DEFB131B: variants seen among roughly 807,000 people sequenced by gnomAD.
The protein encoded by DEFB131B is defensin beta 131B, also known as beta-defensin 131B.
In DEFB131B, 2 loss-of-function variants were observed where a neutral mutation model predicts 2.1. That is an observed-to-expected ratio of 0.94 (90% CI 0.38 to 2.95). The LOEUF is 2.95. Among genes scored for constraint, DEFB131B ranks in the 30% most tolerant of loss-of-function variants. DEFB131B has a pLI of 0.09. For missense variants in DEFB131B, 77 were observed against 78.5 expected (o/e 0.98, Z 0.07); for synonymous variants, 26 against 25.8 (o/e 1.01, Z -0.03).
intron 1 of DEFB131B, among the ~76,000 whole-genome samples, chr11:71,882,441 G>C (rs924002785): frequency 3.3e-5 from 5 of 152,088 alleles, no homozygotes; most frequent in African/African-American, 1.2e-4. Flanking sequence ...AGTTTGGCCA[G>C]GCTGGTCTTG....
chr11:71,881,604 C>T (rs1415074427), intron 1 of DEFB131B, among the ~76,000 whole-genome samples: 3 of 151,728 alleles, frequency 2.0e-5, no homozygotes, highest in East Asian at 3.9e-4. Flanking sequence ...AGGGCCATAC[C>T]CTGGGAGTCT....
At chr11:71,879,704 C>A (rs1029501204) in intron 1 of DEFB131B, among the ~76,000 whole-genome samples, 4 of 152,006 alleles carry the variant, frequency 2.6e-5, no homozygotes, top group Non-Finnish European at 4.4e-5. Context: ...CACCCCTCAC[C>A]ATTATCTAAT....
At chr11:71,882,735 G>C (rs1419285932) in intron 1 of DEFB131B, among the ~76,000 whole-genome samples, 1 of 152,158 alleles carries the variant, frequency 6.6e-6, no homozygotes, top group African/African-American at 2.4e-5. Flanking sequence ...GATTCTAAAA[G>C]TTCTAGCAAG....
intron 1 of DEFB131B, among the ~76,000 whole-genome samples, chr11:71,880,832 C>T (rs1952556574): frequency 6.6e-6 from 1 of 152,116 alleles, no homozygotes; most frequent in African/African-American, 2.4e-5. Flanking sequence ...CAAAGTTCTT[C>T]CTAGTATTCA....
chr11:71,881,339 C>T (rs551097457), intron 1 of DEFB131B, among the ~76,000 whole-genome samples: 2 of 152,052 alleles, frequency 1.3e-5, no homozygotes, highest in Admixed American at 1.3e-4. Context: ...TGTATTAGGC[C>T]ATTCTTGCAT....
chr11:71,883,969 A>G (rs1156936217), intron 1 of DEFB131B, among the ~76,000 whole-genome samples: 2 of 152,286 alleles, frequency 1.3e-5, no homozygotes, highest in East Asian at 1.9e-4. Context: ...ATCTCTTCAC[A>G]TGGTTTTATC....
chr11:71,884,306 A>G (rs1169947530), intron 1 of DEFB131B, 101 bp from the exon 2 acceptor site: 2 of 1,306,508 alleles, frequency 1.5e-6, no homozygotes, highest in South Asian at 2.3e-5. Flanking sequence ...TTTTTCTGGG[A>G]AAGTTCTGTA....
At chr11:71,881,116 GC>G (rs1431569250) in intron 1 of DEFB131B, among the ~76,000 whole-genome samples, 2 of 152,122 alleles carry the variant, frequency 1.3e-5, no homozygotes, top group Non-Finnish European at 2.9e-5. Flanking sequence ...GGGTATTGAA[GC>G]CCTCAGTTAT....
chr11:71,883,395 A>G (rs1220597428), intron 1 of DEFB131B, among the ~76,000 whole-genome samples: 4 of 152,238 alleles, frequency 2.6e-5, no homozygotes, highest in African/African-American at 9.6e-5. Context: ...AGATAGACAT[A>G]TAGGCCACTG....
intron 1 of DEFB131B, among the ~76,000 whole-genome samples, chr11:71,883,539 T>A (rs1024061179): frequency 3.9e-5 from 6 of 152,162 alleles, no homozygotes; most frequent in African/African-American, 9.7e-5. Context: ...AATATTCATA[T>A]GCAAAAGAAT....
At chr11:71,881,506 T>C (rs2121350377) in intron 1 of DEFB131B, among the ~76,000 whole-genome samples, 1 of 152,226 alleles carries the variant, frequency 6.6e-6, no homozygotes, top group East Asian at 1.9e-4. Context: ...GGTTGCCTTC[T>C]TGCCATGTCC....
Position 71,878,489 on chromosome 11 carries a change from T to C in DEFB131B, c.37T>C (p.Leu13=). Residue 13 remains leucine, a synonymous_variant, in exon 1 of 2, where the codon TTG becomes CTG. Coordinates refer to ENST00000530210, the MANE Select transcript of DEFB131B (RefSeq NM_001242853.1). Reference sequence around the variant, plus strand: ...GTTTTTTGTCTTTGGAGTCCTTTCCTTGATGTCCACAGTTCCTCCAAGTAA... The same window carrying C: ...GTTTTTTGTCTTTGGAGTCCTTTCCCTGATGTCCACAGTTCCTCCAAGTAA... ...VLFFVFGVLS[L]MSTVPPTRSF... 1.9e-6 allele frequency: 3 copies of C among 1,611,712 alleles called. No individual in the cohort carries two copies. Among genetic ancestry groups the C allele is most frequent in the Non-Finnish European group, 2.5e-6 (3 of 1,179,782 alleles).
At chr11:71,878,955 A>G (rs911059615) in intron 1 of DEFB131B, among the ~76,000 whole-genome samples, 1 of 152,144 alleles carries the variant, frequency 6.6e-6, no homozygotes, top group African/African-American at 2.4e-5. Context: ...AGCTTAGTTC[A>G]TGCCACTGCA....
intron 1 of DEFB131B, among the ~76,000 whole-genome samples, chr11:71,878,908 G>T (rs983929854): frequency 2.6e-5 from 4 of 152,192 alleles, no homozygotes; most frequent in Non-Finnish European, 5.9e-5. Flanking sequence ...GCTTAGGCAG[G>T]AGGATCGCTT....
At chr11:71,881,042 C>A (rs369897235) in intron 1 of DEFB131B, among the ~76,000 whole-genome samples, 9 of 152,260 alleles carry the variant, frequency 5.9e-5, no homozygotes, top group African/African-American at 2.2e-4. Context: ...TTCTGTGGTA[C>A]AGATTAAATT....
intron 1 of DEFB131B, 67 bp from the exon 2 acceptor site, chr11:71,884,340 A>C: frequency 2.8e-6 from 4 of 1,414,080 alleles, no homozygotes; most frequent in Non-Finnish European, 2.8e-6. Context: ...ATTATAAAAC[A>C]TTTCAGACAT....
At chr11:71,882,146 A>C (rs963233750) in intron 1 of DEFB131B, among the ~76,000 whole-genome samples, 2 of 152,184 alleles carry the variant, frequency 1.3e-5, no homozygotes, top group Admixed American at 6.5e-5. Context: ...ACCAAGGATA[A>C]GAATTACATC....
intron 1 of DEFB131B, among the ~76,000 whole-genome samples, chr11:71,880,568 T>A (rs1952553967): frequency 6.6e-6 from 1 of 152,166 alleles, no homozygotes; most frequent in South Asian, 2.1e-4. Context: ...TTGGATTTCA[T>A]TTTTTCTTGT....
intron 1 of DEFB131B, among the ~76,000 whole-genome samples, chr11:71,883,642 G>A (rs1455500410): frequency 6.6e-6 from 1 of 151,898 alleles, no homozygotes; most frequent in Non-Finnish European, 1.5e-5. Context: ...AAAACTTATA[G>A]AAGAAAACAT....
Sources: allele counts gnomAD v4.1 joint callset (sites outside exome capture counted in the v4.1 genomes callset), GRCh38; gene constraint gnomAD v4.1.1; transcripts MANE v1.5; gene names NCBI Gene and HGNC (gene_info 2026-07-23, HGNC 2026-07-21).